CXCL13: variants seen among roughly 807,000 people sequenced by gnomAD.
CXCL13 encodes C-X-C motif chemokine ligand 13, also known as C-X-C motif chemokine 13.
Under a neutral mutation model 12.2 loss-of-function variants are expected in CXCL13, and 7 were observed. The observed-to-expected ratio is 0.57, with a 90% CI of 0.33 to 1.07. CXCL13 has a LOEUF of 1.07. CXCL13 is among the 50% of genes least tolerant of loss of function. CXCL13 has a pLI of 0.04. For missense variants in CXCL13, 113 were observed against 127.4 expected (o/e 0.89, Z 0.55); for synonymous variants, 47 against 42.4 (o/e 1.11, Z -0.42).
At chr4:77,536,722 C>T (rs988073112) in intron 1 of CXCL13, among the ~76,000 whole-genome samples, 5 of 152,082 alleles carry the variant, frequency 3.3e-5, no homozygotes, top group Admixed American at 6.6e-5. Context: ...GGAAAAGTGG[C>T]AAAATATCTT....
At chr4:77,559,778 CG>C (rs1725760820) in intron 1 of CXCL13, among the ~76,000 whole-genome samples, 1 of 151,878 alleles carries the variant, frequency 6.6e-6, no homozygotes. Context: ...AAAAATTAGT[CG>C]GGCATGGTGG....
intron 1 of CXCL13, among the ~76,000 whole-genome samples, chr4:77,598,695 G>A (rs556213910): frequency 4.6e-5 from 7 of 152,260 alleles, no homozygotes; most frequent in South Asian, 2.1e-4. Flanking sequence ...ACTTTTCTTC[G>A]TTATACACTA....
intron 1 of CXCL13, among the ~76,000 whole-genome samples, chr4:77,571,942 T>G (rs927831409): frequency 7.3e-5 from 11 of 151,418 alleles, no homozygotes; most frequent in African/African-American, 2.7e-4. Context: ...CCTTAAGAGC[T>G]GTAACACTCA....
At chr4:77,598,298 T>G (rs1307582902) in intron 1 of CXCL13, among the ~76,000 whole-genome samples, 1 of 152,194 alleles carries the variant, frequency 6.6e-6, no homozygotes, top group Admixed American at 6.5e-5. Context: ...GCAGAGAGAT[T>G]CAGCCACATC....
chr4:77,599,137 A>G (rs889338906), intron 1 of CXCL13, among the ~76,000 whole-genome samples: 1 of 152,188 alleles, frequency 6.6e-6, no homozygotes, highest in African/African-American at 2.4e-5. Context: ...GAAGGTAAAT[A>G]AAAATGGAGT....
At chr4:77,540,578 A>G (rs749500135) in intron 1 of CXCL13, among the ~76,000 whole-genome samples, 2 of 152,074 alleles carry the variant, frequency 1.3e-5, no homozygotes, top group Non-Finnish European at 2.9e-5. Flanking sequence ...AGCTCTATGC[A>G]TGTTGCTGCA....
chr4:77,568,721 G>A (rs1439679721), intron 1 of CXCL13, among the ~76,000 whole-genome samples: 2 of 151,994 alleles, frequency 1.3e-5, no homozygotes, highest in Non-Finnish European at 2.9e-5. Flanking sequence ...GGTATTTTGG[G>A]CTTTTCGGCA....
chr4:77,541,383 G>A (rs1168148583), intron 1 of CXCL13, among the ~76,000 whole-genome samples: 7 of 151,620 alleles, frequency 4.6e-5, no homozygotes, highest in Non-Finnish European at 7.4e-5. Context: ...TCTTAATTTG[G>A]GGTCTTACAT....
intron 1 of CXCL13, among the ~76,000 whole-genome samples, chr4:77,521,245 A>G (rs1430902497): frequency 6.6e-6 from 1 of 152,156 alleles, no homozygotes; most frequent in Non-Finnish European, 1.5e-5. Context: ...TGAGTTAGGG[A>G]GGACTCCCTC....
At chr4:77,519,845 T>C (rs1238240289) in intron 1 of CXCL13, among the ~76,000 whole-genome samples, 5 of 152,226 alleles carry the variant, frequency 3.3e-5, no homozygotes, top group Non-Finnish European at 7.3e-5. Flanking sequence ...TTTATGATTT[T>C]AGGTCTAACA....
At chr4:77,526,626 G>A (rs1050630710) in intron 1 of CXCL13, among the ~76,000 whole-genome samples, 25 of 152,126 alleles carry the variant, frequency 1.6e-4, no homozygotes, top group Non-Finnish European at 1.0e-4. Context: ...AGGGGCCAGG[G>A]CTTCAAGTGA....
upstream of CXCL13, among the ~76,000 whole-genome samples, chr4:77,603,424 A>G (rs1261112510): frequency 6.6e-6 from 1 of 152,254 alleles, no homozygotes; most frequent in Non-Finnish European, 1.5e-5. Flanking sequence ...TGGCAAAGCC[A>G]TAATTGAGGT....
At chr4:77,567,370 A>G (rs1265166734) in intron 1 of CXCL13, among the ~76,000 whole-genome samples, 4 of 152,188 alleles carry the variant, frequency 2.6e-5, no homozygotes, top group African/African-American at 4.8e-5. Flanking sequence ...CGCGCACAAC[A>G]TTGGGATTCC....
chr4:77,573,400 G>C (rs1442120261), intron 1 of CXCL13, among the ~76,000 whole-genome samples: 1 of 145,522 alleles, frequency 6.9e-6, no homozygotes, highest in Non-Finnish European at 1.5e-5. Flanking sequence ...GTGTGTGTGT[G>C]TGTGTGTGTG....
chr4:77,599,156 T>C (rs1408854922), intron 1 of CXCL13, among the ~76,000 whole-genome samples: 1 of 151,700 alleles, frequency 6.6e-6, no homozygotes, highest in Non-Finnish European at 1.5e-5. Context: ...GTCTTAGGAG[T>C]AGAGCTAGAG....
intron 1 of CXCL13, among the ~76,000 whole-genome samples, chr4:77,561,675 G>T (rs891769128): frequency 1.3e-5 from 2 of 152,202 alleles, no homozygotes; most frequent in Non-Finnish European, 2.9e-5. Flanking sequence ...GAGTGCAGGG[G>T]CTGGACTGGT....
chr4:77,602,275 CAGTG>C (rs1389235262), upstream of CXCL13, among the ~76,000 whole-genome samples: 1 of 152,146 alleles, frequency 6.6e-6, no homozygotes, highest in Non-Finnish European at 1.5e-5. Context: ...ATTTAGATGT[CAGTG>C]AGTACTGACA....
At chr4:77,567,149 T>G (rs138949546) in intron 1 of CXCL13, among the ~76,000 whole-genome samples, 2 of 152,128 alleles carry the variant, frequency 1.3e-5, no homozygotes, top group African/African-American at 4.8e-5. Context: ...TGTAATATCC[T>G]CCCCACCCTT....
chr4:77,551,180 C>A (rs1047459423), intron 1 of CXCL13, among the ~76,000 whole-genome samples: 1 of 152,088 alleles, frequency 6.6e-6, no homozygotes, highest in Admixed American at 6.5e-5. Context: ...TAGCTCGTTG[C>A]TTTGTAGTTT....
Sources: allele counts gnomAD v4.1 joint callset (sites outside exome capture counted in the v4.1 genomes callset), GRCh38; gene constraint gnomAD v4.1.1; transcripts MANE v1.5; gene names NCBI Gene and HGNC (gene_info 2026-07-23, HGNC 2026-07-21).